The following PTPRD variants were observed in gnomAD, a reference collection of about 807,000 sequenced individuals.
PTPRD encodes the protein protein tyrosine phosphatase receptor type D.
A neutral mutation model predicts 214.5 loss-of-function variants in PTPRD; 34 were observed. The ratio of observed to expected loss-of-function variants is 0.16; its 90% CI spans 0.12 to 0.21. The LOEUF (loss-of-function observed/expected upper bound fraction) is 0.21. Among genes scored for constraint, PTPRD ranks in the 10% least tolerant of loss-of-function variants. The pLI is 1.00. For synonymous variants in PTPRD, 1,128 were observed against 845.7 expected (o/e 1.33, Z -5.79); for missense variants, 2,545 against 2,398.7 (o/e 1.06, Z -1.27).
In PTPRD at chr9:8,330,136, C is replaced by A. The variant is rs192339810; in HGVS notation, c.5534+1446G>T. Among the ~76,000 whole-genome samples, 231 of 152,202 alleles carry A rather than the reference C, an allele frequency of 1.5e-3. 4 individuals are homozygous for A. In the East Asian group the frequency reaches 0.023, roughly 15 times the overall value. ...TCCCTTGGCTAGGAAAGGGAAATCC[C>A]CTGACCCCTTGTGCTTCCTGGGTGA... On this transcript the variant is annotated intron_variant, in intron 44 of 45. Transcript: ENST00000381196.
intron 7 of PTPRD, among the ~76,000 whole-genome samples, chr9:9,611,902 T>A (rs1593000471): frequency 6.6e-6 from 1 of 152,086 alleles, no homozygotes; most frequent in Non-Finnish European, 1.5e-5. Flanking sequence ...ATGAACAAAA[T>A]CTCCTGTAGT....
intron 9 of PTPRD, among the ~76,000 whole-genome samples, chr9:9,354,283 T>A (rs965317325): frequency 2.6e-5 from 4 of 151,830 alleles, no homozygotes; most frequent in African/African-American, 9.7e-5. Context: ...TGTATGGGTA[T>A]ATGAATCCTG....
intron 36 of PTPRD, among the ~76,000 whole-genome samples, chr9:8,389,951 A>G (rs1364564520): frequency 6.6e-6 from 1 of 152,178 alleles, no homozygotes; most frequent in Non-Finnish European, 1.5e-5. Context: ...CTGAGGTGCA[A>G]AGAAGTTAAA....
intron 10 of PTPRD, among the ~76,000 whole-genome samples, chr9:9,048,128 T>C (rs13285004): frequency 0.25 from 38,272 of 152,090 alleles, 5,469 homozygotes; most frequent in Admixed American, 0.33. Flanking sequence ...TTAGAAGGGC[T>C]GATATCCAAA....
intron 2 of PTPRD, among the ~76,000 whole-genome samples, chr9:10,341,896 G>A (rs1237611655): frequency 1.3e-5 from 2 of 151,610 alleles, no homozygotes; most frequent in East Asian, 1.9e-4. Flanking sequence ...AGCATAGAGT[G>A]TTAAGCAATC....
At chr9:9,852,332 AT>A (rs987149064) in intron 5 of PTPRD, among the ~76,000 whole-genome samples, 5 of 152,220 alleles carry the variant, frequency 3.3e-5, no homozygotes, top group South Asian at 2.1e-4. Context: ...TTGAAAAACA[AT>A]TTTTTTGTTA....
chr9:8,707,711 C>A (rs190132475), intron 12 of PTPRD, among the ~76,000 whole-genome samples: 1 of 152,174 alleles, frequency 6.6e-6, no homozygotes, highest in Non-Finnish European at 1.5e-5. Context: ...GAGAAAAGGT[C>A]TCCTACTATT....
At chr9:8,975,935 T>A (rs189663911) in intron 11 of PTPRD, among the ~76,000 whole-genome samples, 1 of 152,132 alleles carries the variant, frequency 6.6e-6, no homozygotes, top group East Asian at 1.9e-4. Context: ...CTTAATAATA[T>A]ATAGATATGT....
At chr9:9,855,629 G>A (rs577076126) in intron 5 of PTPRD, among the ~76,000 whole-genome samples, 2 of 152,288 alleles carry the variant, frequency 1.3e-5, no homozygotes, top group East Asian at 3.9e-4. Context: ...GAACTGGAGT[G>A]CAGAAGCACT....
At chr9:9,716,280 T>C (rs1474297935) in intron 7 of PTPRD, among the ~76,000 whole-genome samples, 1 of 152,022 alleles carries the variant, frequency 6.6e-6, no homozygotes, top group Non-Finnish European at 1.5e-5. Context: ...TGGTTTCAAG[T>C]CTTTGCTATT....
chr9:8,501,304 A>C (rs2097400586), intron 23 of PTPRD, among the ~76,000 whole-genome samples: 1 of 152,216 alleles, frequency 6.6e-6, no homozygotes, highest in South Asian at 2.1e-4. Context: ...GGAATATGTG[A>C]AAATGAGACC....
At chr9:9,363,645 G>A (rs1263484589) in intron 9 of PTPRD, among the ~76,000 whole-genome samples, 4 of 151,170 alleles carry the variant, frequency 2.6e-5, no homozygotes, top group Admixed American at 6.6e-5. Context: ...AGTGGAAGTG[G>A]TCTTGGCACA....
At chr9:9,911,348 G>A (rs1000660761) in intron 5 of PTPRD, among the ~76,000 whole-genome samples, 1 of 151,936 alleles carries the variant, frequency 6.6e-6, no homozygotes, top group African/African-American at 2.4e-5. Flanking sequence ...TAATTAAAAA[G>A]AACACTTCCA....
In PTPRD at chr9:10,328,187, A is replaced by G. The variant is rs555300509; in HGVS notation, c.-545+12776T>C. Among the ~76,000 whole-genome samples, 3 of 151,844 alleles carry G rather than the reference A, an allele frequency of 2.0e-5. No homozygotes were observed. In the East Asian group the frequency reaches 5.9e-4, roughly 30 times the overall value. ...TTCTTTTTATCAGTGATTTAAATATACTGTAATACACTCTTAGTAGCTCAG... is the reference window on the plus strand; with the variant it reads ...TTCTTTTTATCAGTGATTTAAATATGCTGTAATACACTCTTAGTAGCTCAG... On this transcript the variant is annotated intron_variant, in intron 3 of 45. Coordinates refer to ENST00000381196, the MANE Select transcript of PTPRD (RefSeq NM_002839.4).
At chr9:9,601,370 T>A (rs995396514) in intron 7 of PTPRD, among the ~76,000 whole-genome samples, 1 of 152,098 alleles carries the variant, frequency 6.6e-6, no homozygotes, top group Non-Finnish European at 1.5e-5. Flanking sequence ...ATCTGTACTC[T>A]GTAGCTAAAT....
At chr9:9,838,262 G>A (rs1196424194) in intron 5 of PTPRD, among the ~76,000 whole-genome samples, 8 of 151,902 alleles carry the variant, frequency 5.3e-5, no homozygotes, top group South Asian at 2.1e-4. Flanking sequence ...AGCATGATTT[G>A]TAGTCCTTTG....
At chr9:9,436,131 G>C (rs752884635) in intron 8 of PTPRD, among the ~76,000 whole-genome samples, 2 of 152,156 alleles carry the variant, frequency 1.3e-5, no homozygotes, top group African/African-American at 2.4e-5. Context: ...TGGGTCAATG[G>C]GGGATGGTAG....
At chr9:9,520,314 T>C (rs1050978985) in intron 8 of PTPRD, among the ~76,000 whole-genome samples, 1 of 139,950 alleles carries the variant, frequency 7.1e-6, no homozygotes, top group African/African-American at 2.5e-5. Flanking sequence ...GTTATATATA[T>C]ATAAGAAAAT....
intron 8 of PTPRD, among the ~76,000 whole-genome samples, chr9:9,517,502 C>G (rs2096866621): frequency 6.6e-6 from 1 of 152,018 alleles, no homozygotes; most frequent in African/African-American, 2.4e-5. Context: ...ACACCTCCAG[C>G]TTTCTTATCC....
Sources: gnomAD v4.1 joint callset for allele counts (sites outside exome capture counted in the v4.1 genomes callset) on GRCh38, gnomAD v4.1.1 for gene constraint, MANE v1.5 for transcripts, NCBI Gene and HGNC (gene_info 2026-07-23, HGNC 2026-07-21) for gene names.